Variants in CDIN1 observed in about 807,000 individuals in gnomAD.
CDIN1 encodes CDAN1-interacting nuclease 1.
A neutral mutation model predicts 45.3 loss-of-function variants in CDIN1; 33 were observed. That is an observed-to-expected ratio of 0.73 (90% CI 0.55 to 0.97). CDIN1 has a LOEUF of 0.97. Ranked by LOEUF, CDIN1 falls within the 50% of genes least tolerant of loss-of-function variation. The probability of loss-of-function intolerance (pLI) is 0.00; values close to 1 mark genes in which losing one functional copy is unlikely to be tolerated. For synonymous variants in CDIN1, 118 were observed against 124.4 expected (o/e 0.95, Z 0.34); for missense variants, 303 against 339.4 (o/e 0.89, Z 0.84).
chr15:36,613,412 G>C (rs547001322), intron 1 of CDIN1: 1 of 1,252,474 alleles, frequency 8.0e-7, no homozygotes, highest in Admixed American at 1.8e-5. Context: ...TGGAGAGGAG[G>C]CTGCAACGCT....
intron 8 of CDIN1, among the ~76,000 whole-genome samples, chr15:36,697,678 T>TA (rs2042483716): frequency 1.3e-5 from 2 of 152,192 alleles, no homozygotes; most frequent in Admixed American, 1.3e-4. Flanking sequence ...ATCTAGCCCT[T>TA]ATGAGAAAAG....
intron 5 of CDIN1, among the ~76,000 whole-genome samples, chr15:36,680,020 A>G (rs2041795384): frequency 6.6e-6 from 1 of 152,228 alleles, no homozygotes; most frequent in Non-Finnish European, 1.5e-5. Flanking sequence ...TGAGAATCTA[A>G]TAGAACTGAT....
chr15:36,647,879 G>A (rs1439052330), intron 3 of CDIN1, among the ~76,000 whole-genome samples: 4 of 138,200 alleles, frequency 2.9e-5, no homozygotes, highest in Non-Finnish European at 6.1e-5. Context: ...TCACTCTGTC[G>A]CCCAGGCTGG....
chr15:36,736,376 C>T (rs1033093660), intron 10 of CDIN1, among the ~76,000 whole-genome samples: 2 of 152,168 alleles, frequency 1.3e-5, no homozygotes, highest in Admixed American at 6.5e-5. Flanking sequence ...CCATTGTTGT[C>T]CAGTACCTTG....
chr15:36,790,894 A>T (rs2054628250), intron 10 of CDIN1, among the ~76,000 whole-genome samples: 2 of 152,196 alleles, frequency 1.3e-5, no homozygotes, highest in African/African-American at 4.8e-5. Context: ...CAGGCTTGTT[A>T]TATAGGTATG....
chr15:36,758,626 C>G lies in CDIN1; in HGVS notation c.716+48665C>G, dbSNP rs978903252. On this transcript the variant is annotated intron_variant, in intron 10 of 10. Coordinates refer to ENST00000566621, the MANE Select transcript of CDIN1 (RefSeq NM_001321759.2). ...TTTGTAAAGGCAATAACACCCTTTACAAAGAAATATATCACCTTTGCACTT... is the reference window on the plus strand; with the variant it reads ...TTTGTAAAGGCAATAACACCCTTTAGAAAGAAATATATCACCTTTGCACTT... 2.0e-5 allele frequency among the ~76,000 whole-genome samples: 3 copies of G among 152,202 alleles called. No homozygotes were observed. In the Middle Eastern group the frequency reaches 0.01, roughly 518 times the overall value.
chr15:36,753,458 A>T (rs2053528074), intron 10 of CDIN1, among the ~76,000 whole-genome samples: 1 of 152,070 alleles, frequency 6.6e-6, no homozygotes, highest in South Asian at 2.1e-4. Context: ...ACCGGGTTAG[A>T]TCATTCTTGG....
intron 1 of CDIN1, among the ~76,000 whole-genome samples, chr15:36,625,079 C>A (rs915544329): frequency 2.0e-5 from 3 of 151,976 alleles, no homozygotes; most frequent in African/African-American, 4.8e-5. Context: ...AGATTAAGAC[C>A]ATCCTGGCTA....
rs550901038 is a variant in CDIN1, at chr15:36,618,629, A to G, written c.102-25649A>G. 8 of 822,184 alleles carry G rather than the reference A, an allele frequency of 9.7e-6. No homozygotes were observed. The Admixed American group carries it at 1.0e-4, about 10-fold the overall frequency. The allele number at this position is 822,184 out of a possible 1,614,324, so 50.9% of individuals were successfully genotyped here. A position where few individuals can be genotyped will look rare whatever the true frequency, so the allele number is the denominator to read the frequency against. On this transcript the variant is annotated intron_variant, in intron 1 of 10. Transcript: ENST00000566621. Reference sequence around the variant, plus strand: ...GTTAAAGGTGTCTACAAAGAAAAGGATAATGAAGTGTTGAGAGTTAGTTGC... The same window carrying G: ...GTTAAAGGTGTCTACAAAGAAAAGGGTAATGAAGTGTTGAGAGTTAGTTGC...
intron 10 of CDIN1, among the ~76,000 whole-genome samples, chr15:36,726,484 T>C (rs562837383): frequency 5.9e-5 from 9 of 152,320 alleles, no homozygotes; most frequent in African/African-American, 1.9e-4. Context: ...CCCACACACC[T>C]TTCTGTTCAG....
Position 36,809,536 on chromosome 15 carries a change from A to G in CDIN1, c.*1083A>G, listed in dbSNP as rs1671681809. On this transcript the variant is annotated 3_prime_UTR_variant, in exon 11 of 11. Transcript: ENST00000566621. ...TGTGTACTTTTATGTACTGCAAATC[A>G]GATTTCAGTCTAAAGCGAAACATCA... The G allele has an allele frequency of 6.6e-6, 1 of 152,196 alleles. No homozygotes were observed. Among genetic ancestry groups the G allele is most frequent in the South Asian group, 2.1e-4 (1 of 4,830 alleles). 9.4% of individuals were successfully genotyped at this position (152,196 alleles called of 1,614,324 possible).
intron 1 of CDIN1, chr15:36,613,367 T>TA (rs59042566): frequency 6.1e-6 from 5 of 823,508 alleles, no homozygotes; most frequent in Non-Finnish European, 1.0e-5. Flanking sequence ...GATGTAAAGA[T>TA]AAAAAAAGGA....
chr15:36,663,351 A>G (rs1381766057), intron 5 of CDIN1, among the ~76,000 whole-genome samples: 1 of 152,178 alleles, frequency 6.6e-6, no homozygotes, highest in Non-Finnish European at 1.5e-5. Flanking sequence ...TTTTTATGAC[A>G]GTGCTTTTCA....
At chr15:36,768,514 C>A (rs2053984605) in intron 10 of CDIN1, among the ~76,000 whole-genome samples, 2 of 148,438 alleles carry the variant, frequency 1.3e-5, no homozygotes, top group Admixed American at 1.4e-4. Context: ...TCCCCTTCAA[C>A]TTCTCGCCTC....
At chr15:36,719,618 G>T (rs74008760) in intron 10 of CDIN1, among the ~76,000 whole-genome samples, 3,046 of 152,146 alleles carry the variant, frequency 0.02, 103 homozygotes, top group African/African-American at 0.07. Flanking sequence ...ATTGGTATTA[G>T]AGTAATGCTG....
chr15:36,599,659 A>T (rs145629390), intron 1 of CDIN1, among the ~76,000 whole-genome samples: 4 of 152,322 alleles, frequency 2.6e-5, no homozygotes, highest in African/African-American at 9.6e-5. Flanking sequence ...ATATTTTGTT[A>T]AAAATTGCAC....
At chr15:36,618,580 T>C (rs1246152286) in intron 1 of CDIN1, 2 of 870,962 alleles carry the variant, frequency 2.3e-6, no homozygotes, top group African/African-American at 3.3e-5. Context: ...TAAACTCATT[T>C]TGGAGAATAG....
chr15:36,636,475 C>G (rs1424113147), intron 1 of CDIN1, among the ~76,000 whole-genome samples: 3 of 152,194 alleles, frequency 2.0e-5, no homozygotes, highest in South Asian at 4.1e-4. Flanking sequence ...TGTCATGAAC[C>G]TGGGAGGCAG....
At chr15:36,738,298 C>G (rs560948376) in intron 10 of CDIN1, among the ~76,000 whole-genome samples, 1 of 152,244 alleles carries the variant, frequency 6.6e-6, no homozygotes, top group African/African-American at 2.4e-5. Flanking sequence ...TTCAGCGTAG[C>G]CATATCTGAA....
Sources: gnomAD v4.1 joint callset for allele counts (sites outside exome capture counted in the v4.1 genomes callset) on GRCh38, gnomAD v4.1.1 for gene constraint, MANE v1.5 for transcripts, NCBI Gene and HGNC (gene_info 2026-07-23, HGNC 2026-07-21) for gene names.